SLC2A10: variants seen among roughly 807,000 people sequenced by gnomAD.
SLC2A10 encodes solute carrier family 2 member 10, also known as solute carrier family 2, facilitated glucose transporter member 10.
SLC2A10 carries 25 observed loss-of-function variants against 32.1 expected under a neutral mutation model. The ratio of observed to expected loss-of-function variants is 0.78; its 90% CI spans 0.57 to 1.09. The LOEUF is 1.09. Ranked by LOEUF, SLC2A10 falls within the 50% of genes least tolerant of loss-of-function variation. The pLI is 0.00. For synonymous variants in SLC2A10, 332 were observed against 309.6 expected (o/e 1.07, Z -0.76); for missense variants, 673 against 686.5 (o/e 0.98, Z 0.22).
At chr20:46,709,634 C>T, upstream of SLC2A10, 1 of 1,410,650 alleles carries the variant, frequency 7.1e-7, no homozygotes. Flanking sequence ...GAGGCGGGGG[C>T]GGGCCGGAAA....
At position 46,725,265 on chromosome 20, in the gene SLC2A10, G is replaced by T; in HGVS notation, c.229G>T (p.Ala77Ser). ...FLIDCYGRKQ[A>S]ILGSNLVLLA... is the part of the protein sequence containing the mutation. ...CATTGACTGCTATGGCAGGAAGCAA[G>T]CCATCCTCGGGAGCAACTTGGTGCT... The change falls in exon 2 of 5, where the codon GCC (alanine) becomes TCC (serine). Residue 77 changes from alanine (A) to serine (S), a missense_variant. By Grantham distance (99) the Ala-to-Ser change is moderately conservative (BLOSUM62 1). Transcript: ENST00000359271. The T allele has an allele frequency of 6.2e-7, 1 of 1,614,132 alleles. No homozygotes were observed. The highest frequency in any genetic ancestry group is 8.5e-7 in the Non-Finnish European group (1 of 1,180,034).
chr20:46,727,180 G>A (rs1399454282), intron 3 of SLC2A10, among the ~76,000 whole-genome samples, 194 bp downstream of exon 3: 3 of 149,546 alleles, frequency 2.0e-5, no homozygotes, highest in South Asian at 2.1e-4. Flanking sequence ...ATGGGTGATG[G>A]TCTACACCCA....
At chr20:46,722,482 T>G (rs1164184990) in intron 1 of SLC2A10, among the ~76,000 whole-genome samples, 1 of 152,238 alleles carries the variant, frequency 6.6e-6, no homozygotes, top group Admixed American at 6.5e-5. Flanking sequence ...TTGCCAAGAC[T>G]TGTGACCACT....
chr20:46,709,337 T>G, upstream of SLC2A10: 1 of 276,074 alleles, frequency 3.6e-6, no homozygotes, highest in Non-Finnish European at 6.7e-6. Context: ...GGGGCACCTC[T>G]TCCCTGCAAA....
At chr20:46,715,801 T>A (rs1979205230) in intron 1 of SLC2A10, among the ~76,000 whole-genome samples, 1 of 152,156 alleles carries the variant, frequency 6.6e-6, no homozygotes. Flanking sequence ...ACAGCCTGGC[T>A]TTCATTCTAT....
chr20:46,729,625 G>GTTTTTTTTTTTTTTTTT (rs68037732), intron 4 of SLC2A10, 137 bp downstream of exon 4: 2 of 257,286 alleles, frequency 7.8e-6, no homozygotes, highest in African/African-American at 8.7e-5. Context: ...GGCACTATGA[G>GTTTTTTTTTTTTTTTTT]TTTTTTTTTT....
chr20:46,719,291 C>T (rs1455375848), intron 1 of SLC2A10, among the ~76,000 whole-genome samples: 1 of 152,080 alleles, frequency 6.6e-6, no homozygotes, highest in African/African-American at 2.4e-5. Context: ...ATGGAGTCAG[C>T]GTCTTCTTCC....
chr20:46,709,723 G>A lies in SLC2A10; in HGVS notation c.-14G>A. ...CCCTCAGCGCCCCCAGCACGCCGCC[G>A]AGTCCCGCTCGCCATGGGTAAGTCC... On this transcript the variant is annotated 5_prime_UTR_variant, in exon 1 of 5. Transcript: ENST00000359271. 3 of 1,545,430 alleles carry A rather than the reference G, an allele frequency of 1.9e-6. No individual in the cohort carries two copies. The highest frequency in any genetic ancestry group is 2.6e-6 in the Non-Finnish European group (3 of 1,145,546).
Position 46,726,040 on chromosome 20 carries a change from C to T in SLC2A10, c.1004C>T (p.Ala335Val). ...SGPSCLAVPN[A>V]TGQTGLPGDS... Reference sequence around the variant, plus strand: ...CCAAGCTGTCTGGCTGTGCCCAATGCCACCGGGCAGACAGGCCTCCCTGGA... The same window carrying T: ...CCAAGCTGTCTGGCTGTGCCCAATGTCACCGGGCAGACAGGCCTCCCTGGA... The change falls in exon 2 of 5, where the codon GCC becomes GTC. Residue 335 changes from alanine to valine, a missense_variant. Physicochemically the swap from Ala to Val is moderately conservative, Grantham distance 64. Coordinates refer to ENST00000359271, the MANE Select transcript of SLC2A10 (RefSeq NM_030777.4). 1.2e-6 allele frequency: 2 copies of T among 1,614,128 alleles called. No homozygotes were observed. The highest frequency in any genetic ancestry group is 1.6e-4 in the Middle Eastern group (1 of 6,062).
At chr20:46,710,170 G>A (rs1978826864) in intron 1 of SLC2A10, 1 of 427,728 alleles carries the variant, frequency 2.3e-6, no homozygotes, top group Non-Finnish European at 4.1e-6. Context: ...GAACGAAACT[G>A]CGAACAAAAC....
chr20:46,719,788 A>G (rs1190114029), intron 1 of SLC2A10, among the ~76,000 whole-genome samples: 1 of 152,216 alleles, frequency 6.6e-6, no homozygotes, highest in East Asian at 1.9e-4. Flanking sequence ...GGTAACAGCA[A>G]TCATGGTACT....
intron 1 of SLC2A10, among the ~76,000 whole-genome samples, chr20:46,722,372 A>C (rs777577539): frequency 2.0e-5 from 3 of 152,238 alleles, no homozygotes; most frequent in Non-Finnish European, 4.4e-5. Context: ...TCAGGTAGCC[A>C]CAAGACCGTG....
intron 1 of SLC2A10, among the ~76,000 whole-genome samples, chr20:46,711,330 G>T (rs898598577): frequency 6.6e-6 from 1 of 152,172 alleles, no homozygotes; most frequent in Non-Finnish European, 1.5e-5. Flanking sequence ...ATGGAGAGGA[G>T]AAGCTGGGAA....
At chr20:46,731,824 A>G (rs959399849) in intron 4 of SLC2A10, among the ~76,000 whole-genome samples, 2 of 152,210 alleles carry the variant, frequency 1.3e-5, no homozygotes, top group Admixed American at 1.3e-4. Context: ...TTTTGACAGC[A>G]GGAACTAATG....
chr20:46,731,469 C>T (rs1338731091), intron 4 of SLC2A10, among the ~76,000 whole-genome samples: 1 of 152,214 alleles, frequency 6.6e-6, no homozygotes, highest in East Asian at 1.9e-4. Flanking sequence ...CACTGGTTTT[C>T]TTGGGAGAAG....
chr20:46,731,660 A>G (rs1980305479), intron 4 of SLC2A10, among the ~76,000 whole-genome samples: 1 of 151,972 alleles, frequency 6.6e-6, no homozygotes, highest in Admixed American at 6.5e-5. Context: ...GACTCTGGAG[A>G]AGACAGGAAG....
In SLC2A10 at chr20:46,726,330, T is replaced by G. The variant is rs1161791064; in HGVS notation, c.1288+6T>G. The G allele has an allele frequency of 1.7e-5, 28 of 1,606,184 alleles. No individual in the cohort carries two copies. The highest frequency in any genetic ancestry group is 2.2e-5 in the Non-Finnish European group (26 of 1,179,984). On this transcript the variant is annotated splice_donor_region_variant and intron_variant, in intron 2 of 4. Transcript: ENST00000359271. The stretch of plus-strand genomic sequence containing the variant: ...CTCCTTTGGGTTTGGGCCAGGTAAG[T>G]GGAGTTTTCTTGCAGGTGACTCTGG...
chr20:46,715,725 A>C (rs927930135), intron 1 of SLC2A10, among the ~76,000 whole-genome samples: 1 of 152,254 alleles, frequency 6.6e-6, no homozygotes, highest in Non-Finnish European at 1.5e-5. Flanking sequence ...GCAAGAGAAC[A>C]GAGTGAAATC....
intron 4 of SLC2A10, among the ~76,000 whole-genome samples, chr20:46,730,430 AG>A (rs892196434): frequency 6.6e-6 from 1 of 152,180 alleles, no homozygotes; most frequent in African/African-American, 2.4e-5. Flanking sequence ...CAAAGAAGAA[AG>A]GGGTTGTGGC....
Sources: gnomAD v4.1 joint callset for allele counts (sites outside exome capture counted in the v4.1 genomes callset) on GRCh38, gnomAD v4.1.1 for gene constraint, MANE v1.5 for transcripts, NCBI Gene and HGNC (gene_info 2026-07-23, HGNC 2026-07-21) for gene names.